TRIO: variants seen among roughly 807,000 people sequenced by gnomAD.
The protein encoded by TRIO is triple functional domain protein.
Under a neutral mutation model 351.9 loss-of-function variants are expected in TRIO, and 58 were observed. The ratio of observed to expected loss-of-function variants is 0.16; its 90% CI spans 0.13 to 0.21. TRIO has a LOEUF of 0.21. TRIO is among the 10% of genes least tolerant of loss of function. TRIO has a pLI of 1.00. For missense variants in TRIO, 3,201 were observed against 4,027.8 expected (o/e 0.79, Z 5.56); for synonymous variants, 1,758 against 1,595.7 (o/e 1.10, Z -2.42).
intron 1 of TRIO, among the ~76,000 whole-genome samples, chr5:14,175,823 A>G (rs1365119430): frequency 6.6e-6 from 1 of 152,236 alleles, no homozygotes; most frequent in Non-Finnish European, 1.5e-5. Flanking sequence ...TAGACGGGAT[A>G]CCTAGACTGC....
chr5:14,304,668 A>G, intron 8 of TRIO, 76 bp downstream of exon 8: 3 of 1,524,836 alleles, frequency 2.0e-6, no homozygotes, highest in Admixed American at 4.5e-5. Flanking sequence ...TAGAAAAAAA[A>G]AAGTTTTGGG....
chr5:14,415,070 C>G (rs1051551822), intron 33 of TRIO, among the ~76,000 whole-genome samples: 2 of 152,138 alleles, frequency 1.3e-5, no homozygotes, highest in Non-Finnish European at 2.9e-5. Context: ...ACCGCAAGAC[C>G]CTTTTGTGAG....
Position 14,304,364 on chromosome 5 carries a change from C to T in TRIO, c.1369-97C>T, listed in dbSNP as rs1241106864. 2.4e-6 allele frequency: 3 copies of T among 1,273,608 alleles called. No individual in the cohort carries two copies. The Admixed American group carries it at 6.8e-5, about 29-fold the overall frequency. The allele number at this position is 1,273,608 out of a possible 1,614,324, so 78.9% of individuals were successfully genotyped here. On this transcript the variant is annotated intron_variant, in intron 7 of 56. Coordinates refer to ENST00000344204, the MANE Select transcript of TRIO (RefSeq NM_007118.4). ...CAACCATGTTAAATTCTTAGGATCTCCCTCAAGTCCCCTAATTTTCAAAAC... is the reference window on the plus strand; with the variant it reads ...CAACCATGTTAAATTCTTAGGATCTTCCTCAAGTCCCCTAATTTTCAAAAC...
chr5:14,226,677 A>T (rs1793055377), intron 1 of TRIO, among the ~76,000 whole-genome samples: 2 of 152,240 alleles, frequency 1.3e-5, no homozygotes, highest in South Asian at 4.1e-4. Context: ...TTGTCCCTGA[A>T]GCTTGGTGAA....
chr5:14,280,507 A>G, intron 3 of TRIO, 71 bp downstream of exon 3: 1 of 1,337,042 alleles, frequency 7.5e-7, no homozygotes. Flanking sequence ...TACTCGTTAG[A>G]AATCAGCTAA....
At chr5:14,419,157 G>A (rs1749904196) in intron 33 of TRIO, among the ~76,000 whole-genome samples, 1 of 152,170 alleles carries the variant, frequency 6.6e-6, no homozygotes, top group South Asian at 2.1e-4. Flanking sequence ...TGTGGTGCCT[G>A]CTGCGTGTTG....
chr5:14,173,271 C>T (rs1009245800), intron 1 of TRIO, among the ~76,000 whole-genome samples: 9 of 130,546 alleles, frequency 6.9e-5, no homozygotes, highest in Admixed American at 1.9e-4. Flanking sequence ...AGTGCAGTGG[C>T]GAGATCTAGG....
chr5:14,454,976 G>A (rs1023246426), intron 34 of TRIO, among the ~76,000 whole-genome samples: 6 of 151,372 alleles, frequency 4.0e-5, no homozygotes, highest in African/African-American at 1.2e-4. Flanking sequence ...AAGGTGGCAC[G>A]TCTGGAGTTG....
In TRIO at chr5:14,461,327, C is replaced by A. The variant is rs1479474950; in HGVS notation, c.5496+16C>A. ...GGTCGAGGAGGTGAGGCTCTGCCCG[C>A]TGGTTGGGGCCGGCGTGGCGGGGCC... On this transcript the variant is annotated intron_variant, in intron 35 of 56. Transcript: ENST00000344204. 1 of 1,532,192 alleles carries A rather than the reference C, an allele frequency of 6.5e-7. No individual in the cohort carries two copies. The highest frequency in any genetic ancestry group is 8.8e-7 in the Non-Finnish European group (1 of 1,141,132). 94.9% of individuals were successfully genotyped at this position (1,532,192 alleles called of 1,614,324 possible). A position where few individuals can be genotyped will look rare whatever the true frequency, so the allele number is the denominator to read the frequency against.
At chr5:14,181,389 A>G (rs1043269078) in intron 1 of TRIO, among the ~76,000 whole-genome samples, 3 of 152,202 alleles carry the variant, frequency 2.0e-5, no homozygotes, top group Non-Finnish European at 2.9e-5. Flanking sequence ...AAATCTGTAG[A>G]ACTAGTTATC....
intron 54 of TRIO, among the ~76,000 whole-genome samples, chr5:14,503,598 G>A (rs1284856428): frequency 6.6e-6 from 1 of 152,194 alleles, no homozygotes. Flanking sequence ...TGGCATCCCA[G>A]AACAGCAGGA....
chr5:14,293,628 G>A (rs562372542), intron 6 of TRIO, among the ~76,000 whole-genome samples: 13 of 152,202 alleles, frequency 8.5e-5, no homozygotes, highest in Non-Finnish European at 1.6e-4. Context: ...CCTCAGCCTT[G>A]CCTGGGATCC....
intron 33 of TRIO, among the ~76,000 whole-genome samples, chr5:14,418,116 C>T (rs74981707): frequency 7.2e-5 from 11 of 152,244 alleles, no homozygotes; most frequent in East Asian, 5.8e-4. Context: ...AGGACAGGCA[C>T]GAGAGGGACT....
intron 18 of TRIO, among the ~76,000 whole-genome samples, chr5:14,373,897 G>C (rs148663525): frequency 1.3e-5 from 2 of 152,302 alleles, no homozygotes; most frequent in African/African-American, 4.8e-5. Flanking sequence ...CTGTGATCCA[G>C]GGTCAGGCCA....
chr5:14,436,675 G>A (rs1257874822), intron 34 of TRIO, among the ~76,000 whole-genome samples: 1 of 152,194 alleles, frequency 6.6e-6, no homozygotes, highest in Non-Finnish European at 1.5e-5. Flanking sequence ...CATTCCAAAT[G>A]GAAGAAATTG....
chr5:14,178,189 C>T (rs974675129), intron 1 of TRIO, among the ~76,000 whole-genome samples: 1 of 152,130 alleles, frequency 6.6e-6, no homozygotes, highest in African/African-American at 2.4e-5. Flanking sequence ...GCCAAACAAG[C>T]AGCAGAAACA....
intron 33 of TRIO, among the ~76,000 whole-genome samples, chr5:14,412,808 A>G (rs1295656936): frequency 3.3e-5 from 5 of 152,218 alleles, no homozygotes; most frequent in Admixed American, 3.3e-4. Context: ...TGTACCTGGC[A>G]GTGGCATAGC....
intron 36 of TRIO, among the ~76,000 whole-genome samples, chr5:14,464,784 C>T (rs976259961): frequency 7.2e-5 from 11 of 152,166 alleles, no homozygotes; most frequent in Admixed American, 4.6e-4. Context: ...GTTCATATTA[C>T]GCCCCTTCTA....
At chr5:14,404,867 G>C (rs909814998) in intron 31 of TRIO, among the ~76,000 whole-genome samples, 2 of 152,110 alleles carry the variant, frequency 1.3e-5, no homozygotes, top group Admixed American at 1.3e-4. Flanking sequence ...CCCAACATGG[G>C]CTTTGATTTT....
Sources: allele counts gnomAD v4.1 joint callset (sites outside exome capture counted in the v4.1 genomes callset), GRCh38; gene constraint gnomAD v4.1.1; transcripts MANE v1.5; gene names NCBI Gene and HGNC (gene_info 2026-07-23, HGNC 2026-07-21).